Variants in PKM observed in about 807,000 individuals in gnomAD.
PKM encodes pyruvate kinase PKM.
PKM carries 18 observed loss-of-function variants against 49.8 expected under a neutral mutation model. That is an observed-to-expected ratio of 0.36 (90% CI 0.25 to 0.54). The LOEUF (loss-of-function observed/expected upper bound fraction) is 0.54, where lower values mean the gene tolerates loss of function less well. Among genes scored for constraint, PKM ranks in the 20% least tolerant of loss-of-function variants. PKM has a pLI of 0.89. For synonymous variants in PKM, 239 were observed against 261.8 expected, an observed-to-expected ratio of 0.91 and a Z score of 0.84; for missense variants, 508 against 713.8, an observed-to-expected ratio of 0.71 and a Z score of 3.28.
intron 1 of PKM, among the ~76,000 whole-genome samples, chr15:72,219,843 T>C (rs2082476699): frequency 6.6e-6 from 1 of 152,260 alleles, no homozygotes; most frequent in Non-Finnish European, 1.5e-5. Flanking sequence ...TTAAAGTTGC[T>C]GGTCAAATCT....
Position 72,209,736 on chromosome 15 carries a change from C to A in PKM, c.502G>T (p.Val168Leu), listed in dbSNP as rs772116077. 1.2e-6 allele frequency: 2 copies of A among 1,614,084 alleles called. No individual in the cohort carries two copies. Among genetic ancestry groups the A allele is most frequent in the Non-Finnish European group, 1.7e-6 (2 of 1,180,008 alleles). Reference protein sequence around the residue: ...WLDYKNICKVVEVGSKIYVDD... With the variant: ...WLDYKNICKVLEVGSKIYVDD... ...ACGTAGATCTTGCTGCCCACTTCCACCACCTTGCAGATGTTCTTGTAGTCC... is the reference window on the plus strand; with the variant it reads ...ACGTAGATCTTGCTGCCCACTTCCAACACCTTGCAGATGTTCTTGTAGTCC... Residue 168 changes from valine (V) to leucine (L), a missense_variant, in exon 5 of 11, where the codon GTG (valine) becomes TTG (leucine). Physicochemically the swap from Val to Leu is conservative, Grantham distance 32 (BLOSUM62 1). Transcript: ENST00000335181.
In PKM at chr15:72,200,179, C is replaced by T. The variant is rs1271212697; in HGVS notation, c.1489+295G>A. Among the ~76,000 whole-genome samples, 1 of 151,986 alleles carries T rather than the reference C, an allele frequency of 6.6e-6. No homozygotes were observed. The highest frequency in any genetic ancestry group is 2.4e-5 in the African/African-American group (1 of 41,362). ...AAAAACTCTCAGTAATGAGCAGATGCCAAAAAATGGACAATTTTGCTTTGA... is the reference window on the plus strand; with the variant it reads ...AAAAACTCTCAGTAATGAGCAGATGTCAAAAAATGGACAATTTTGCTTTGA... On this transcript the variant is annotated intron_variant, in intron 10 of 10. Transcript: ENST00000335181. This position sits in a 1 kb window ranked among gnomAD's most constrained non-coding sequence, Gnocchi z 4.6.
intron 2 of PKM, 27 bp downstream of exon 2, chr15:72,218,917 T>A: frequency 6.2e-7 from 1 of 1,613,696 alleles, no homozygotes; most frequent in Non-Finnish European, 8.5e-7. Context: ...GAAGCCCTTT[T>A]TTGGGGGAAG....
chr15:72,225,088 ATTTTTTTT>A (rs59687887), intron 1 of PKM, among the ~76,000 whole-genome samples: 4 of 116,646 alleles, frequency 3.4e-5, no homozygotes, highest in Admixed American at 9.1e-5. Context: ...GGCCCGGCTA[ATTTTTTTT>A]TTTTTTTTTT....
intron 3 of PKM, among the ~76,000 whole-genome samples, chr15:72,214,132 AG>A (rs1567119896): frequency 6.6e-6 from 1 of 152,182 alleles, no homozygotes; most frequent in Non-Finnish European, 1.5e-5. Context: ...TGCTTTCTAA[AG>A]TAAGCACACT....
chr15:72,222,465 A>C (rs928571219), intron 1 of PKM: 5 of 152,180 alleles, frequency 3.3e-5, no homozygotes, highest in African/African-American at 9.7e-5. Flanking sequence ...GTTGTATGTA[A>C]AACACTCACT....
At chr15:72,229,803 G>C in intron 1 of PKM, 3 of 682,364 alleles carry the variant, frequency 4.4e-6, no homozygotes, top group South Asian at 4.3e-5. Context: ...TTTGCGTTCA[G>C]TGAACGCGAC....
Position 72,207,119 on chromosome 15 carries a change from G to C in PKM, c.987+8C>G. The C allele has an allele frequency of 6.2e-7, 1 of 1,613,164 alleles. No individual in the cohort carries two copies. The highest frequency in any genetic ancestry group is 8.5e-7 in the Non-Finnish European group (1 of 1,179,814). ...CACATGAGAATGTGGGGAAGGGTGG[G>C]CACATGCCTGAGTAGCACAGATGAC... On this transcript the variant is annotated splice_region_variant and intron_variant, in intron 7 of 10. Coordinates refer to ENST00000335181, the MANE Select transcript of PKM (RefSeq NM_002654.6).
chr15:72,229,687 A>C (rs1458967987), intron 1 of PKM: 2 of 1,236,832 alleles, frequency 1.6e-6, no homozygotes, highest in Admixed American at 2.3e-5. Context: ...CCCCACTCCC[A>C]GCATTACAGG....
At chr15:72,221,093 T>C in intron 1 of PKM, 1 of 816,228 alleles carries the variant, frequency 1.2e-6, no homozygotes, top group South Asian at 1.4e-5. Flanking sequence ...AACCATCAGC[T>C]GGCTCTTCTT....
chr15:72,224,719 C>G (rs1381945778), intron 1 of PKM, among the ~76,000 whole-genome samples: 1 of 151,812 alleles, frequency 6.6e-6, no homozygotes, highest in Non-Finnish European at 1.5e-5. Context: ...AAAAATTAGC[C>G]AGGCGCGCAC....
At chr15:72,221,350 T>C (rs542520669) in intron 1 of PKM, 12 of 919,030 alleles carry the variant, frequency 1.3e-5, no homozygotes, top group Non-Finnish European at 1.8e-5. Context: ...AAAAATTACC[T>C]TAATAACCAG....
intron 2 of PKM, among the ~76,000 whole-genome samples, chr15:72,218,000 C>A (rs990127929): frequency 1.3e-5 from 2 of 152,158 alleles, no homozygotes; most frequent in African/African-American, 4.8e-5. Context: ...TAATCCAATA[C>A]ATACAGTTTG....
intron 1 of PKM, among the ~76,000 whole-genome samples, chr15:72,224,929 T>C (rs1437649383): frequency 1.4e-5 from 2 of 144,154 alleles, no homozygotes; most frequent in Admixed American, 1.4e-4. Context: ...TTTCTTTTTT[T>C]TTTTTTTTTT....
Position 72,202,657 on chromosome 15 carries a change from G to T in PKM, c.1141-37C>A. The T allele has an allele frequency of 6.3e-7, 1 of 1,578,380 alleles. No homozygotes were observed. The highest frequency in any genetic ancestry group is 1.7e-5 in the Admixed American group (1 of 58,352). On this transcript the variant is annotated intron_variant, in intron 8 of 10. Coordinates refer to ENST00000335181, the MANE Select transcript of PKM (RefSeq NM_002654.6). The surrounding 1 kb of genome is among the most constrained non-coding windows in gnomAD (Gnocchi z 4.5). ...ACATCCGTCCAGAGGGACGAGAGGGGGACAGAGCTTTGTCAGAGCTTTGTC... is the reference window on the plus strand; with the variant it reads ...ACATCCGTCCAGAGGGACGAGAGGGTGACAGAGCTTTGTCAGAGCTTTGTC...
At chr15:72,228,894 T>C (rs2082763504) in intron 1 of PKM, among the ~76,000 whole-genome samples, 1 of 152,184 alleles carries the variant, frequency 6.6e-6, no homozygotes, top group Non-Finnish European at 1.5e-5. Flanking sequence ...GGCTGGAATG[T>C]TCCTCTGGTA....
chr15:72,210,194 A>G, intron 4 of PKM, 153 bp downstream of exon 4: 1 of 834,140 alleles, frequency 1.2e-6, no homozygotes, highest in Admixed American at 2.2e-5. Flanking sequence ...AACATTGTTT[A>G]CAGTGATGAA....
At chr15:72,216,222 G>A (rs1473677300) in intron 3 of PKM, among the ~76,000 whole-genome samples, 1 of 152,170 alleles carries the variant, frequency 6.6e-6, no homozygotes, top group Non-Finnish European at 1.5e-5. Context: ...CTCTCAACAG[G>A]AAATACAGAA....
At chr15:72,209,933 AGCTCTTTCCTCCCGGGAACAAT>A in intron 4 of PKM, 74 bp from the exon 5 acceptor site, 1 of 1,257,108 alleles carries the variant, frequency 8.0e-7, no homozygotes, top group Non-Finnish European at 1.2e-6. Flanking sequence ...GGAATGGAAA[AGCTCTTTCCTCCCGGGAACAAT>A]GCTCAAGTCA....
Sources: allele counts gnomAD v4.1 joint callset (sites outside exome capture counted in the v4.1 genomes callset), GRCh38; gene constraint gnomAD v4.1.1; non-coding constraint Gnocchi (gnomAD v3.1); transcripts MANE v1.5; gene names NCBI Gene and HGNC (gene_info 2026-07-23, HGNC 2026-07-21).